Variants in CUX1 observed in about 807,000 individuals in gnomAD.
CUX1 encodes the protein protein CASP.
CUX1 carries 31 observed loss-of-function variants against 158.8 expected under a neutral mutation model. That is an observed-to-expected ratio of 0.20 (90% CI 0.15 to 0.26). The LOEUF (loss-of-function observed/expected upper bound fraction) is 0.26. Among genes scored for constraint, CUX1 ranks in the 10% least tolerant of loss-of-function variants. The probability of loss-of-function intolerance (pLI) is 1.00; values close to 1 mark genes in which losing one functional copy is unlikely to be tolerated. For missense variants in CUX1, 1,589 were observed against 2,014.6 expected (o/e 0.79, Z 4.04); for synonymous variants, 879 against 862.1 (o/e 1.02, Z -0.34).
intron 1 of CUX1, among the ~76,000 whole-genome samples, chr7:101,915,413 G>A (rs1022479665): frequency 5.9e-5 from 9 of 152,188 alleles, no homozygotes; most frequent in Admixed American, 6.5e-5. Context: ...GGTCCTCAGC[G>A]TTCCCGCGCA....
chr7:102,204,196 C>T (rs79085865), intron 18 of CUX1, among the ~76,000 whole-genome samples, 195 bp from the exon 19 acceptor site: 7,605 of 152,292 alleles, frequency 0.05, 211 homozygotes, highest in Middle Eastern at 0.099. Context: ...CCCCCTGTGC[C>T]GGGGTCTCAG....
At chr7:101,974,405 T>A (rs1303243213) in intron 2 of CUX1, among the ~76,000 whole-genome samples, 1 of 152,188 alleles carries the variant, frequency 6.6e-6, no homozygotes, top group Non-Finnish European at 1.5e-5. Flanking sequence ...CAAAAGTTCT[T>A]ATGAAATGTG....
chr7:102,163,236 G>A (rs1790648814), intron 9 of CUX1, among the ~76,000 whole-genome samples: 1 of 152,078 alleles, frequency 6.6e-6, no homozygotes, highest in Non-Finnish European at 1.5e-5. Context: ...CTATAGTACC[G>A]GCAGTTGGAG....
At chr7:102,003,242 G>A (rs1434377018) in intron 2 of CUX1, among the ~76,000 whole-genome samples, 1 of 150,544 alleles carries the variant, frequency 6.6e-6, no homozygotes, top group Non-Finnish European at 1.5e-5. Flanking sequence ...ACAAGGGGCG[G>A]GGGTCTCTGG....
intron 3 of CUX1, among the ~76,000 whole-genome samples, chr7:102,034,434 A>G (rs1821175988): frequency 1.3e-5 from 2 of 152,214 alleles, no homozygotes; most frequent in African/African-American, 4.8e-5. Context: ...AGCCTGGACA[A>G]TGTGGTGGAA....
chr7:101,986,180 A>T (rs1814273120), intron 2 of CUX1, among the ~76,000 whole-genome samples: 1 of 152,360 alleles, frequency 6.6e-6, no homozygotes, highest in Middle Eastern at 3.4e-3. Context: ...AATTTTGCAC[A>T]AGTGTTAACA....
chr7:102,019,716 C>G (rs774075495), intron 2 of CUX1, among the ~76,000 whole-genome samples: 8 of 152,150 alleles, frequency 5.3e-5, no homozygotes, highest in Non-Finnish European at 8.8e-5. Flanking sequence ...CCACGTACCA[C>G]GCAAAAGCCA....
intron 3 of CUX1, among the ~76,000 whole-genome samples, chr7:102,060,746 G>A (rs1419442017): frequency 6.6e-6 from 1 of 151,292 alleles, no homozygotes; most frequent in East Asian, 2.0e-4. Flanking sequence ...CCAAATAGCT[G>A]GGATTACAGG....
intron 1 of CUX1, among the ~76,000 whole-genome samples, chr7:101,862,830 A>T (rs900640408): frequency 6.6e-5 from 10 of 151,952 alleles, no homozygotes; most frequent in African/African-American, 2.4e-4. Context: ...AAAGACCCGT[A>T]TTACTAAACT....
chr7:102,237,379 G>A (rs1161994537), intron 22 of CUX1, among the ~76,000 whole-genome samples: 1 of 151,892 alleles, frequency 6.6e-6, no homozygotes, highest in Non-Finnish European at 1.5e-5. Flanking sequence ...GGTGTTCTGG[G>A]CTCAAGTGAT....
At chr7:102,041,451 A>C (rs1471953316) in intron 3 of CUX1, among the ~76,000 whole-genome samples, 1 of 150,628 alleles carries the variant, frequency 6.6e-6, no homozygotes, top group African/African-American at 2.4e-5. Flanking sequence ...ATGGGGTTTT[A>C]CCATGTTGTT....
At chr7:102,222,811 C>CTTTTTTTGTTTTTTTTTTTTTTTTTTTT (rs1797943278) in intron 20 of CUX1, among the ~76,000 whole-genome samples, 1 of 25,510 alleles carries the variant, frequency 3.9e-5, no homozygotes, top group Non-Finnish European at 6.3e-5. Context: ...GGCACCGTAT[C>CTTTTTTTGTTTTTTTTTTTTTTTTTTTT]TTTTTTTTTT....
chr7:102,093,973 G>A (rs563435509), intron 4 of CUX1, among the ~76,000 whole-genome samples: 5 of 152,266 alleles, frequency 3.3e-5, no homozygotes, highest in Middle Eastern at 3.4e-3. Flanking sequence ...GGCATCTGAC[G>A]TTCGCATAAG....
At chr7:101,995,373 C>G (rs1815712368) in intron 2 of CUX1, among the ~76,000 whole-genome samples, 1 of 152,146 alleles carries the variant, frequency 6.6e-6, no homozygotes, top group South Asian at 2.1e-4. Flanking sequence ...TTCTTTCTGT[C>G]ATTTAAAAAA....
chr7:102,091,031 C>G (rs1345267122), intron 4 of CUX1, among the ~76,000 whole-genome samples: 2 of 152,158 alleles, frequency 1.3e-5, no homozygotes, highest in Non-Finnish European at 2.9e-5. Context: ...ACACTACACT[C>G]CCTCTTGTGT....
At chr7:101,835,516 A>G (rs1794527243) in intron 1 of CUX1, among the ~76,000 whole-genome samples, 1 of 152,148 alleles carries the variant, frequency 6.6e-6, no homozygotes, top group Non-Finnish European at 1.5e-5. Context: ...TGCAATTGCC[A>G]GGTCATATGT....
At chr7:101,996,111 CAAA>C (rs765845088) in intron 2 of CUX1, among the ~76,000 whole-genome samples, 1 of 138,912 alleles carries the variant, frequency 7.2e-6, no homozygotes, top group Admixed American at 7.2e-5. Flanking sequence ...AAACTCCATC[CAAA>C]AAAAAAAAAG....
At chr7:101,952,828 C>T (rs749015887) in intron 2 of CUX1, among the ~76,000 whole-genome samples, 1 of 152,240 alleles carries the variant, frequency 6.6e-6, no homozygotes, top group Non-Finnish European at 1.5e-5. Flanking sequence ...CTTTTCCACC[C>T]CTGCACTGGG....
chr7:102,169,886 A>G (rs1238164153), intron 9 of CUX1, among the ~76,000 whole-genome samples: 1 of 152,222 alleles, frequency 6.6e-6, no homozygotes, highest in Non-Finnish European at 1.5e-5. Context: ...TCAGCATTCA[A>G]AACACTTTGT....
Sources: gnomAD v4.1 joint callset for allele counts (sites outside exome capture counted in the v4.1 genomes callset) on GRCh38, gnomAD v4.1.1 for gene constraint, MANE v1.5 for transcripts, NCBI Gene and HGNC (gene_info 2026-07-23, HGNC 2026-07-21) for gene names.